The following RPA1 variants were observed in gnomAD, a reference collection of about 807,000 sequenced individuals.
RPA1 encodes replication protein A1, also known as replication protein A 70 kDa DNA-binding subunit.
In RPA1, 49 loss-of-function variants were observed where a neutral mutation model predicts 83.0. The observed-to-expected ratio is 0.59, with a 90% CI of 0.47 to 0.75. The LOEUF (loss-of-function observed/expected upper bound fraction) is 0.75, where lower values mean the gene tolerates loss of function less well. Among genes scored for constraint, RPA1 ranks in the 30% least tolerant of loss-of-function variants. RPA1 has a pLI of 0.00. For synonymous variants in RPA1, 279 were observed against 281.8 expected, an observed-to-expected ratio of 0.99 and a Z score of 0.10; for missense variants, 693 against 776.1, an observed-to-expected ratio of 0.89 and a Z score of 1.27.
intron 5 of RPA1, among the ~76,000 whole-genome samples, chr17:1,869,708 C>G (rs1913309570): frequency 6.6e-6 from 1 of 152,150 alleles, no homozygotes; most frequent in Non-Finnish European, 1.5e-5. Context: ...CTCTGCATTA[C>G]TGCTTTGGGG....
chr17:1,885,920 A>G (rs1169958982), intron 13 of RPA1, among the ~76,000 whole-genome samples: 1 of 152,270 alleles, frequency 6.6e-6, no homozygotes, highest in Non-Finnish European at 1.5e-5. Flanking sequence ...GTTATCAAGC[A>G]TGAAAACAAT....
At chr17:1,869,701 T>C (rs951800897) in intron 5 of RPA1, among the ~76,000 whole-genome samples, 10 of 152,212 alleles carry the variant, frequency 6.6e-5, no homozygotes, top group Non-Finnish European at 1.0e-4. Context: ...GTTAAGTCTC[T>C]GCATTACTGC....
At chr17:1,853,470 G>C (rs1342568704) in intron 5 of RPA1, among the ~76,000 whole-genome samples, 1 of 152,176 alleles carries the variant, frequency 6.6e-6, no homozygotes, top group African/African-American at 2.4e-5. Flanking sequence ...ATCACTTGAC[G>C]TCAGGAGTTC....
intron 12 of RPA1, among the ~76,000 whole-genome samples, chr17:1,882,533 C>G (rs750186874): frequency 3.3e-5 from 5 of 151,880 alleles, no homozygotes; most frequent in Non-Finnish European, 7.4e-5. Context: ...CCCAGCTACT[C>G]GGTGCGTGCC....
chr17:1,838,745 G>T (rs1315369062), intron 1 of RPA1, among the ~76,000 whole-genome samples: 1 of 152,102 alleles, frequency 6.6e-6, no homozygotes, highest in Admixed American at 6.5e-5. Context: ...TTTTATCTAT[G>T]ATATATAGCT....
In RPA1 at chr17:1,837,193, T is replaced by G. The variant is rs369920680; in HGVS notation, c.34-5610T>G. Among the ~76,000 whole-genome samples the G allele has an allele frequency of 1.8e-4, 28 of 152,220 alleles. No homozygotes were observed. In the South Asian group the frequency reaches 5.0e-3, roughly 27 times the overall value. ...TGTGTTGTCCAGGATGATCTTGAAC[T>G]CCTGGGCTCAAGTGATCCTCCCACC... On this transcript the variant is annotated intron_variant, in intron 1 of 16. Transcript: ENST00000254719.
At position 1,877,275 on chromosome 17, in the gene RPA1, G is replaced by T; in HGVS notation, c.651G>T (p.Gly217=). The T allele has an allele frequency of 4.3e-6, 7 of 1,614,198 alleles. No homozygotes were observed. Among genetic ancestry groups the T allele is most frequent in the Non-Finnish European group, 5.9e-6 (7 of 1,180,046 alleles). The change falls in exon 8 of 17, where the codon GGG becomes GGT. Residue 217 remains glycine, a synonymous_variant. Coordinates refer to ENST00000254719, the MANE Select transcript of RPA1 (RefSeq NM_002945.5). ...SQIRTWSNSR[G]EGKLFSLELV... ...TCCGTACCTGGAGCAACTCCCGAGG[G>T]GAAGGGAAGCTTTTCTCCCTAGAAC...
At position 1,879,679 on chromosome 17, in the gene RPA1, G is replaced by C; in HGVS notation, c.1072G>C (p.Ala358Pro). 6.2e-7 allele frequency: 1 copy of C among 1,614,238 alleles called. No individual in the cohort carries two copies. The highest frequency in any genetic ancestry group is 8.5e-7 in the Non-Finnish European group (1 of 1,180,036). ...LMDTSGKVVT[A>P]TLWGEDADKF... ...GGACACATCCGGGAAGGTGGTGACT[G>C]CTACACTGTGGGGGGAAGATGTAAG... is the stretch of plus-strand genomic sequence containing the variant. Residue 358 changes from alanine (A) to proline (P), a missense_variant, in exon 11 of 17, where the codon GCT (alanine) becomes CCT (proline). Physicochemically the swap from Ala to Pro is conservative, Grantham distance 27 (BLOSUM62 -1). Coordinates refer to ENST00000254719, the MANE Select transcript of RPA1 (RefSeq NM_002945.5).
At chr17:1,862,909 A>AGG (rs1913038104) in intron 5 of RPA1, among the ~76,000 whole-genome samples, 5 of 147,718 alleles carry the variant, frequency 3.4e-5, no homozygotes, top group Non-Finnish European at 6.0e-5. Context: ...GTAGAGACGA[A>AGG]GTTTCACCAT....
chr17:1,856,837 A>G (rs888133628), intron 5 of RPA1, among the ~76,000 whole-genome samples: 14 of 151,740 alleles, frequency 9.2e-5, no homozygotes, highest in African/African-American at 3.1e-4. Context: ...TAACATACAT[A>G]TATGTTTCCT....
At chr17:1,851,619 T>A (rs1712388947) in intron 4 of RPA1, among the ~76,000 whole-genome samples, 1 of 152,200 alleles carries the variant, frequency 6.6e-6, no homozygotes, top group Non-Finnish European at 1.5e-5. Flanking sequence ...AGGATGAAAT[T>A]AGTTTTGGTT....
At position 1,860,476 on chromosome 17, in the gene RPA1, A is replaced by C. The variant is rs554377665; in HGVS notation, c.361+7287A>C. 2.8e-4 allele frequency among the ~76,000 whole-genome samples: 42 copies of C among 152,342 alleles called. No homozygotes were observed. The South Asian group carries it at 7.7e-3, about 28-fold the overall frequency. ...GTATACTTTCTATTGCTAGCCGTTC[A>C]AGTTCACTAATGGTTTCTCAGGCAG... On this transcript the variant is annotated intron_variant, in intron 5 of 16. Coordinates refer to ENST00000254719, the MANE Select transcript of RPA1 (RefSeq NM_002945.5).
intron 5 of RPA1, among the ~76,000 whole-genome samples, chr17:1,855,509 C>T (rs1912660204): frequency 6.6e-6 from 1 of 152,186 alleles, no homozygotes; most frequent in African/African-American, 2.4e-5. Context: ...CTAAACCAAT[C>T]TGGGATCTCT....
At position 1,850,222 on chromosome 17, in the gene RPA1, T is replaced by C. The variant is rs111928271; in HGVS notation, c.273-2879T>C. ...TTCAACTCTTGTTTCATTCTTGCGA[T>C]AAATCCTGCCTTAAAAAAATAATCC... On this transcript the variant is annotated intron_variant, in intron 4 of 16. Transcript: ENST00000254719. Among the ~76,000 whole-genome samples, 153 of 149,978 alleles carry C rather than the reference T, an allele frequency of 1.0e-3. 1 individual carries two copies. The highest frequency in any genetic ancestry group is 3.6e-3 in the African/African-American group (147 of 40,708).
Position 1,872,600 on chromosome 17 carries a change from G to A in RPA1, c.454+74G>A, listed in dbSNP as rs1913416228. On this transcript the variant is annotated intron_variant, in intron 6 of 16. Transcript: ENST00000254719. ...AATCATGTTTTGAAGTTGAATCTGG[G>A]ACTAAAGGGAGTTTTCCAAATGCCA... 5 of 1,564,704 alleles carry A rather than the reference G, an allele frequency of 3.2e-6. No homozygotes were observed. In the East Asian group the frequency reaches 9.2e-5, roughly 29 times the overall value.
chr17:1,844,641 T>A lies in RPA1; in HGVS notation c.227T>A (p.Val76Glu). ...VEEEQLSSNCVCQIHRFIVNT... is the reference protein window; with the variant it reads ...VEEEQLSSNCECQIHRFIVNT... ...GAAGAACAATTGTCCAGCAACTGTG[T>A]ATGCCAGATTCACAGATTTATTGTG... The change falls in exon 4 of 17, where the codon GTA (valine) becomes GAA (glutamate). Residue 76 changes from valine (V) to glutamate (E), a missense_variant. Coordinates refer to ENST00000254719, the MANE Select transcript of RPA1 (RefSeq NM_002945.5). 6.2e-7 allele frequency: 1 copy of A among 1,613,844 alleles called. No individual in the cohort carries two copies. The highest frequency in any genetic ancestry group is 2.2e-5 in the East Asian group (1 of 44,886).
chr17:1,874,032 T>TATATATATATATATATACAC (rs1171343408), intron 6 of RPA1, among the ~76,000 whole-genome samples: 6 of 79,254 alleles, frequency 7.6e-5, no homozygotes, highest in African/African-American at 3.1e-4. Context: ...TATATATATA[T>TATATATATATATATATACAC]ACACACACAC....
intron 5 of RPA1, among the ~76,000 whole-genome samples, chr17:1,868,786 G>A (rs1227796176): frequency 1.3e-5 from 2 of 152,176 alleles, no homozygotes; most frequent in Non-Finnish European, 2.9e-5. Context: ...TTTTCAAAGT[G>A]TGAGAAATAA....
chr17:1,842,782 A>G, intron 1 of RPA1, 21 bp from the exon 2 acceptor site: 7 of 1,612,482 alleles, frequency 4.3e-6, no homozygotes, highest in Non-Finnish European at 5.9e-6. Context: ...ATCTCACACA[A>G]ACCTGTTTTT....
Sources: gnomAD v4.1 joint callset for allele counts (sites outside exome capture counted in the v4.1 genomes callset) on GRCh38, gnomAD v4.1.1 for gene constraint, MANE v1.5 for transcripts, NCBI Gene and HGNC (gene_info 2026-07-23, HGNC 2026-07-21) for gene names.